Variants in ANKIB1 observed in about 807,000 individuals in gnomAD.
The protein encoded by ANKIB1 is ankyrin repeat and IBR domain containing 1.
Under a neutral mutation model 122.1 loss-of-function variants are expected in ANKIB1, and 43 were observed. That is an observed-to-expected ratio of 0.35 (90% CI 0.28 to 0.45). The LOEUF is 0.45. Ranked by LOEUF, ANKIB1 falls within the 20% of genes least tolerant of loss-of-function variation. ANKIB1 has a pLI of 1.00. For missense variants in ANKIB1, 992 were observed against 1,329.5 expected (o/e 0.75, Z 3.95); for synonymous variants, 390 against 442.0 (o/e 0.88, Z 1.48).
intron 3 of ANKIB1, among the ~76,000 whole-genome samples, chr7:92,313,273 A>G (rs1802728589): frequency 6.6e-6 from 1 of 152,162 alleles, no homozygotes; most frequent in African/African-American, 2.4e-5. Flanking sequence ...CTTTACAGCT[A>G]CAGGGCCTAT....
At chr7:92,293,213 T>A (rs977577155) in intron 1 of ANKIB1, among the ~76,000 whole-genome samples, 1 of 152,110 alleles carries the variant, frequency 6.6e-6, no homozygotes, top group Non-Finnish European at 1.5e-5. Context: ...CCCTAGAGAC[T>A]CTGATTTTTG....
chr7:92,340,886 C>CAAA (rs1803423606), intron 5 of ANKIB1, among the ~76,000 whole-genome samples: 1 of 152,174 alleles, frequency 6.6e-6, no homozygotes, highest in Non-Finnish European at 1.5e-5. Context: ...TTGAATACAT[C>CAAA]CATTGTGAAG....
intron 2 of ANKIB1, among the ~76,000 whole-genome samples, chr7:92,304,982 A>G (rs1802529549): frequency 6.6e-6 from 1 of 152,154 alleles, no homozygotes; most frequent in African/African-American, 2.4e-5. Flanking sequence ...CTATTCTTAT[A>G]TTTCCACTTA....
At chr7:92,375,130 T>C (rs1418103441) in intron 11 of ANKIB1, among the ~76,000 whole-genome samples, 1 of 152,218 alleles carries the variant, frequency 6.6e-6, no homozygotes, top group East Asian at 1.9e-4. Context: ...ACTTTGTTAC[T>C]AAAAAATGCT....
At chr7:92,311,182 A>G (rs1006100754) in intron 3 of ANKIB1, among the ~76,000 whole-genome samples, 2 of 152,176 alleles carry the variant, frequency 1.3e-5, no homozygotes, top group African/African-American at 4.8e-5. Context: ...AGCATGATAT[A>G]AAGGTTTGGG....
chr7:92,344,936 A>C (rs776575350), intron 6 of ANKIB1, 42 bp from the exon 7 acceptor site: 1 of 1,479,788 alleles, frequency 6.8e-7, no homozygotes, highest in Non-Finnish European at 9.4e-7. Context: ...TCTCTTTCAG[A>C]AGTACATTTC....
chr7:92,296,901 AT>A (rs1376180271), intron 2 of ANKIB1, among the ~76,000 whole-genome samples: 1 of 152,006 alleles, frequency 6.6e-6, no homozygotes, highest in Non-Finnish European at 1.5e-5. Flanking sequence ...CTTTTATCTA[AT>A]TTTTTTGCTT....
At chr7:92,340,431 A>G (rs1031430460) in intron 5 of ANKIB1, among the ~76,000 whole-genome samples, 2 of 152,230 alleles carry the variant, frequency 1.3e-5, no homozygotes, top group Non-Finnish European at 2.9e-5. Flanking sequence ...TGGGAATATA[A>G]TTTATGTAAA....
At chr7:92,387,093 G>A (rs1341523731) in intron 12 of ANKIB1, among the ~76,000 whole-genome samples, 1 of 151,990 alleles carries the variant, frequency 6.6e-6, no homozygotes, top group African/African-American at 2.4e-5. Flanking sequence ...CTCTTGGTTT[G>A]CAGACAGCCA....
At chr7:92,332,440 A>G (rs1404604827) in intron 5 of ANKIB1, among the ~76,000 whole-genome samples, 4 of 152,212 alleles carry the variant, frequency 2.6e-5, no homozygotes, top group Admixed American at 1.3e-4. Context: ...AAGGTAATGA[A>G]GTTGATGTAG....
chr7:92,390,520 T>A (rs1325833234), intron 15 of ANKIB1, among the ~76,000 whole-genome samples: 1 of 152,200 alleles, frequency 6.6e-6, no homozygotes, highest in Non-Finnish European at 1.5e-5. Flanking sequence ...CTGAAAAAGT[T>A]ACAGTATTTA....
At chr7:92,382,979 T>C (rs975079512) in intron 11 of ANKIB1, among the ~76,000 whole-genome samples, 3 of 151,720 alleles carry the variant, frequency 2.0e-5, no homozygotes, top group African/African-American at 7.3e-5. Flanking sequence ...ATCAACAAAA[T>C]TGATAGACCG....
chr7:92,250,230 C>T (rs527840455), intron 1 of ANKIB1, among the ~76,000 whole-genome samples: 98 of 151,982 alleles, frequency 6.4e-4, no homozygotes, highest in Non-Finnish European at 1.3e-3. Context: ...CCCATCTCTA[C>T]TAAAAATGCA....
Position 92,286,417 on chromosome 7 carries a change from C to G in ANKIB1, c.-90-8472C>G, listed in dbSNP as rs1802124320. Among the ~76,000 whole-genome samples, 5 of 149,994 alleles carry G rather than the reference C, an allele frequency of 3.3e-5. No homozygotes were observed. The South Asian group carries it at 1.1e-3, about 32-fold the overall frequency. ...ATTGATTTTTCTTGGTGTGGCCTTT[C>G]TATTTATTTTCTAGAGGACAACTGG... On this transcript the variant is annotated intron_variant, in intron 1 of 19. Coordinates refer to ENST00000265742, the MANE Select transcript of ANKIB1 (RefSeq NM_019004.2).
chr7:92,288,057 A>AAC (rs1802172784), intron 1 of ANKIB1, among the ~76,000 whole-genome samples: 1 of 143,428 alleles, frequency 7.0e-6, no homozygotes, highest in African/African-American at 2.6e-5. Flanking sequence ...AAAAAAAAAA[A>AAC]CTGCCACCAT....
chr7:92,274,156 A>G (rs992179903), intron 1 of ANKIB1, among the ~76,000 whole-genome samples: 1 of 152,104 alleles, frequency 6.6e-6, no homozygotes, highest in African/African-American at 2.4e-5. Context: ...TACTGATATT[A>G]TTATTTATTC....
intron 1 of ANKIB1, among the ~76,000 whole-genome samples, chr7:92,248,678 AAG>A (rs1442628295): frequency 6.6e-6 from 1 of 152,134 alleles, no homozygotes; most frequent in Non-Finnish European, 1.5e-5. Context: ...ATTTGCCAAA[AAG>A]GATTTGGGAG....
At chr7:92,347,849 T>C in intron 7 of ANKIB1, 1 of 259,758 alleles carries the variant, frequency 3.8e-6, no homozygotes, top group Middle Eastern at 1.4e-3. Context: ...AGGATTATCA[T>C]CAGTTTTTTA....
chr7:92,261,176 C>T (rs1187152004), intron 1 of ANKIB1, among the ~76,000 whole-genome samples: 4 of 151,310 alleles, frequency 2.6e-5, no homozygotes, highest in South Asian at 2.1e-4. Context: ...GGTGAAACCC[C>T]GTCTCTACTA....
Sources: allele counts gnomAD v4.1 joint callset (sites outside exome capture counted in the v4.1 genomes callset), GRCh38; gene constraint gnomAD v4.1.1; transcripts MANE v1.5; gene names NCBI Gene and HGNC (gene_info 2026-07-23, HGNC 2026-07-21).